Variants in GABRB1 observed in about 807,000 individuals in gnomAD.
GABRB1 encodes the protein gamma-aminobutyric acid receptor subunit beta-1.
Under a neutral mutation model 51.6 loss-of-function variants are expected in GABRB1, and 17 were observed. The ratio of observed to expected loss-of-function variants is 0.33; its 90% CI spans 0.23 to 0.49. The LOEUF (loss-of-function observed/expected upper bound fraction) is 0.49. Ranked by LOEUF, GABRB1 falls within the 20% of genes least tolerant of loss-of-function variation. The pLI is 0.99. For synonymous variants in GABRB1, 247 were observed against 218.9 expected (o/e 1.13, Z -1.14); for missense variants, 410 against 600.6 (o/e 0.68, Z 3.32).
At chr4:47,197,559 A>G (rs547885600) in intron 4 of GABRB1, among the ~76,000 whole-genome samples, 2 of 152,344 alleles carry the variant, frequency 1.3e-5, no homozygotes, top group African/African-American at 4.8e-5. Context: ...CTGCTACAAT[A>G]TAAGCAGCTT....
chr4:47,408,137 G>T (rs954650105), intron 8 of GABRB1, among the ~76,000 whole-genome samples: 1 of 152,142 alleles, frequency 6.6e-6, no homozygotes, highest in Non-Finnish European at 1.5e-5. Flanking sequence ...CTGAACAAAA[G>T]AGTATTTGGG....
At chr4:47,225,106 G>A (rs1720901832) in intron 4 of GABRB1, among the ~76,000 whole-genome samples, 1 of 152,062 alleles carries the variant, frequency 6.6e-6, no homozygotes, top group Non-Finnish European at 1.5e-5. Context: ...TGTTGGTCAG[G>A]CTGGTCTCGA....
At chr4:47,257,029 C>T (rs1722231706) in intron 4 of GABRB1, among the ~76,000 whole-genome samples, 2 of 151,890 alleles carry the variant, frequency 1.3e-5, no homozygotes, top group South Asian at 2.1e-4. Flanking sequence ...CATTTTTTTC[C>T]ACCTGCTTTC....
intron 3 of GABRB1, among the ~76,000 whole-genome samples, chr4:47,118,511 C>T (rs1359138613): frequency 6.6e-6 from 1 of 152,080 alleles, no homozygotes; most frequent in Non-Finnish European, 1.5e-5. Context: ...TGTTGATTTG[C>T]CAGTTACTAT....
intron 4 of GABRB1, among the ~76,000 whole-genome samples, chr4:47,221,953 C>A (rs1720783333): frequency 1.3e-5 from 2 of 152,118 alleles, no homozygotes; most frequent in African/African-American, 4.8e-5. Context: ...ATGAGGCACA[C>A]CACAGCTTTC....
At chr4:47,403,239 A>G (rs1728458937) in intron 5 of GABRB1, 79 bp from the exon 6 acceptor site, 10 of 1,527,830 alleles carry the variant, frequency 6.5e-6, no homozygotes, top group Non-Finnish European at 8.9e-6. Context: ...TGTGCTGGGA[A>G]TTTTTCCTCT....
At chr4:47,305,724 T>C (rs1216267381) in intron 4 of GABRB1, among the ~76,000 whole-genome samples, 1 of 152,184 alleles carries the variant, frequency 6.6e-6, no homozygotes, top group Non-Finnish European at 1.5e-5. Context: ...GGAACTCATT[T>C]TGAAAGATCA....
chr4:47,279,486 G>T (rs1723198996), intron 4 of GABRB1, among the ~76,000 whole-genome samples: 1 of 152,138 alleles, frequency 6.6e-6, no homozygotes, highest in African/African-American at 2.4e-5. Flanking sequence ...TTGTTGGAAA[G>T]TAAGGAAAAG....
intron 3 of GABRB1, among the ~76,000 whole-genome samples, chr4:47,055,118 T>A (rs1726533575): frequency 6.6e-6 from 1 of 152,198 alleles, no homozygotes; most frequent in Admixed American, 6.5e-5. Context: ...CTCATAAACA[T>A]TTATCTTTCA....
intron 4 of GABRB1, among the ~76,000 whole-genome samples, chr4:47,217,981 C>T (rs1349431088): frequency 6.6e-6 from 1 of 151,692 alleles, no homozygotes; most frequent in Admixed American, 6.6e-5. Flanking sequence ...TTTCTTCATC[C>T]TCCCTCCCCG....
intron 3 of GABRB1, among the ~76,000 whole-genome samples, chr4:47,102,899 A>G (rs1714782632): frequency 6.6e-6 from 1 of 152,052 alleles, no homozygotes; most frequent in Admixed American, 6.6e-5. Flanking sequence ...CAATCACATA[A>G]ATGGTGGAGA....
At chr4:47,032,091 A>AAAAAAAAAAAG in intron 2 of GABRB1, 86 bp downstream of exon 2, 1 of 895,060 alleles carries the variant, frequency 1.1e-6, no homozygotes, top group Admixed American at 2.1e-5. Context: ...AAAAAAGAAA[A>AAAAAAAAAAAG]GGCATGTCAT....
intron 4 of GABRB1, among the ~76,000 whole-genome samples, chr4:47,228,674 G>T (rs577491648): frequency 5.3e-5 from 8 of 152,050 alleles, no homozygotes; most frequent in Non-Finnish European, 1.0e-4. Context: ...CCGAAAGTAG[G>T]ACTGGGCACA....
At chr4:47,362,037 C>G (rs1235689855) in intron 5 of GABRB1, among the ~76,000 whole-genome samples, 1 of 152,006 alleles carries the variant, frequency 6.6e-6, no homozygotes, top group East Asian at 1.9e-4. Context: ...GACCTAGAAC[C>G]CAACCTTGAG....
At chr4:47,004,232 C>G (rs973237669) in intron 1 of GABRB1, among the ~76,000 whole-genome samples, 1 of 152,120 alleles carries the variant, frequency 6.6e-6, no homozygotes, top group African/African-American at 2.4e-5. Context: ...TGTGATCTGC[C>G]TGCCTCGGCC....
At chr4:47,117,841 T>C (rs1365598721) in intron 3 of GABRB1, among the ~76,000 whole-genome samples, 3 of 152,206 alleles carry the variant, frequency 2.0e-5, no homozygotes, top group Non-Finnish European at 4.4e-5. Flanking sequence ...CATAGGATTG[T>C]TGCGATAATT....
intron 3 of GABRB1, among the ~76,000 whole-genome samples, chr4:47,141,347 A>T (rs1716926392): frequency 6.6e-6 from 1 of 151,930 alleles, no homozygotes; most frequent in South Asian, 2.1e-4. Flanking sequence ...CAAGCTCTCA[A>T]GTTAAAATTT....
At chr4:47,161,631 G>A (rs981105259) in intron 4 of GABRB1, among the ~76,000 whole-genome samples, 162 bp downstream of exon 4, 7 of 151,954 alleles carry the variant, frequency 4.6e-5, no homozygotes, top group Admixed American at 1.3e-4. Context: ...ATGTAGTTAA[G>A]GGCTTTTTAC....
intron 5 of GABRB1, among the ~76,000 whole-genome samples, chr4:47,380,373 C>T (rs576156735): frequency 2.0e-5 from 3 of 152,282 alleles, no homozygotes; most frequent in African/African-American, 7.2e-5. Context: ...ACTGACTGCT[C>T]TAAGCTGTAG....
Sources: gnomAD v4.1 joint callset for allele counts (sites outside exome capture counted in the v4.1 genomes callset) on GRCh38, gnomAD v4.1.1 for gene constraint, MANE v1.5 for transcripts, NCBI Gene and HGNC (gene_info 2026-07-23, HGNC 2026-07-21) for gene names.